LRRTM4: variants seen among roughly 807,000 people sequenced by gnomAD.
The protein encoded by LRRTM4 is leucine rich repeat transmembrane neuronal 4, also known as leucine-rich repeat transmembrane neuronal protein 4.
Under a neutral mutation model 47.6 loss-of-function variants are expected in LRRTM4, and 25 were observed. The observed-to-expected ratio is 0.53, with a 90% CI of 0.38 to 0.73. LRRTM4 has a LOEUF of 0.73. LRRTM4 is among the 30% of genes least tolerant of loss of function. The probability of loss-of-function intolerance (pLI) is 0.00; values close to 1 mark genes in which losing one functional copy is unlikely to be tolerated. For synonymous variants in LRRTM4, 311 were observed against 269.5 expected, an observed-to-expected ratio of 1.15 and a Z score of -1.51; for missense variants, 638 against 713.4, an observed-to-expected ratio of 0.89 and a Z score of 1.20.
intron 3 of LRRTM4, among the ~76,000 whole-genome samples, chr2:77,256,943 T>C (rs1391913979): frequency 6.6e-6 from 1 of 152,068 alleles, no homozygotes; most frequent in Non-Finnish European, 1.5e-5. Context: ...GTATAGAACA[T>C]GACAAACTTG....
chr2:77,070,838 C>T lies in LRRTM4; in HGVS notation c.1552-321922G>A, dbSNP rs767982126. Reference sequence around the variant, plus strand: ...TAGAGACGGGGTTTCACCATGTTGGCCAGGCTGGTCTCGAACTCCTGACCT... The same window carrying T: ...TAGAGACGGGGTTTCACCATGTTGGTCAGGCTGGTCTCGAACTCCTGACCT... On this transcript the variant is annotated intron_variant, in intron 3 of 3. Coordinates refer to ENST00000409884, the MANE Select transcript of LRRTM4 (RefSeq NM_001134745.3). Among the ~76,000 whole-genome samples the T allele has an allele frequency of 6.7e-4, 102 of 152,200 alleles. 1 individual carries two copies. The highest frequency in any genetic ancestry group is 9.3e-4 in the Non-Finnish European group (63 of 68,010).
rs527757654 is a variant in LRRTM4, at chr2:76,886,129, G to T, written c.1552-137213C>A. On this transcript the variant is annotated intron_variant, in intron 3 of 3. Coordinates refer to ENST00000409884, the MANE Select transcript of LRRTM4 (RefSeq NM_001134745.3). ...GAAAATCAAAGCAAGGTAAAGAAAA[G>T]CAAAAACTGACAAAATTGAGGGGCT... is the stretch of plus-strand genomic sequence containing the variant. Among the ~76,000 whole-genome samples, 5 of 152,166 alleles carry T rather than the reference G, an allele frequency of 3.3e-5. No individual in the cohort carries two copies. In the South Asian group the frequency reaches 1.0e-3, roughly 32 times the overall value.
At chr2:76,847,418 G>A (rs1343863897) in intron 3 of LRRTM4, among the ~76,000 whole-genome samples, 1 of 151,958 alleles carries the variant, frequency 6.6e-6, no homozygotes, top group Non-Finnish European at 1.5e-5. Flanking sequence ...GTTTTTTCAT[G>A]AGCCAATGAC....
chr2:77,016,547 T>C (rs1317099421), intron 3 of LRRTM4, among the ~76,000 whole-genome samples: 2 of 152,176 alleles, frequency 1.3e-5, no homozygotes, highest in African/African-American at 2.4e-5. Flanking sequence ...TGTTGCCTTA[T>C]ATCAGCTCAA....
chr2:77,068,737 GAACAGGCCCCCCAAAATCTGGCCATA>G (rs1680045894), intron 3 of LRRTM4, among the ~76,000 whole-genome samples: 3 of 152,176 alleles, frequency 2.0e-5, no homozygotes, highest in African/African-American at 7.2e-5. Context: ...GGTGTGTTGG[GAACAGGCCCCCCAAAATCTGGCCATA>G]AACTGGCCCC....
intron 3 of LRRTM4, among the ~76,000 whole-genome samples, chr2:76,846,552 C>T (rs1573203877): frequency 1.3e-5 from 2 of 152,016 alleles, no homozygotes; most frequent in East Asian, 3.9e-4. Context: ...CTTTTATCTA[C>T]CATAAATGCT....
At chr2:76,930,685 G>A (rs1036370740) in intron 3 of LRRTM4, among the ~76,000 whole-genome samples, 12 of 152,124 alleles carry the variant, frequency 7.9e-5, no homozygotes, top group African/African-American at 2.9e-4. Flanking sequence ...CAATGGATGT[G>A]GAATCAGAGG....
chr2:77,081,514 A>G (rs1327102349), intron 3 of LRRTM4, among the ~76,000 whole-genome samples: 1 of 152,162 alleles, frequency 6.6e-6, no homozygotes, highest in African/African-American at 2.4e-5. Context: ...ATACATATAT[A>G]TGTGCACATA....
At chr2:77,231,840 G>T (rs1174936966) in intron 3 of LRRTM4, among the ~76,000 whole-genome samples, 4 of 152,116 alleles carry the variant, frequency 2.6e-5, no homozygotes, top group Non-Finnish European at 5.9e-5. Flanking sequence ...TAGGTATTCT[G>T]ACTTATTTAT....
intron 3 of LRRTM4, among the ~76,000 whole-genome samples, chr2:76,775,232 A>C (rs953220179): frequency 1.3e-5 from 2 of 152,108 alleles, no homozygotes; most frequent in African/African-American, 4.8e-5. Flanking sequence ...GTAGCATGAC[A>C]TTTTCAATGG....
chr2:77,118,892 T>C (rs1294185820), intron 3 of LRRTM4, among the ~76,000 whole-genome samples: 1 of 151,870 alleles, frequency 6.6e-6, no homozygotes, highest in African/African-American at 2.4e-5. Context: ...CTAATCAGGA[T>C]ACTTTGTGAA....
Position 77,401,417 on chromosome 2 carries a change from C to T in LRRTM4, c.1551+116901G>A, listed in dbSNP as rs572130370. On this transcript the variant is annotated intron_variant, in intron 3 of 3. Coordinates refer to ENST00000409884, the MANE Select transcript of LRRTM4 (RefSeq NM_001134745.3). ...GCATCCCTGTTTTCTTTTTTCTCTG[C>T]TCTTCATTTTCCTTCATATCATAAA... is the stretch of plus-strand genomic sequence containing the variant. Among the ~76,000 whole-genome samples, 3 of 151,944 alleles carry T rather than the reference C, an allele frequency of 2.0e-5. No homozygotes were observed. In the South Asian group the frequency reaches 6.2e-4, roughly 32 times the overall value.
At chr2:77,420,859 A>G (rs1463089662) in intron 3 of LRRTM4, among the ~76,000 whole-genome samples, 1 of 146,760 alleles carries the variant, frequency 6.8e-6, no homozygotes, top group Non-Finnish European at 1.5e-5. Flanking sequence ...TTCAGTGGAC[A>G]AAATGGGAAT....
intron 3 of LRRTM4, among the ~76,000 whole-genome samples, chr2:77,330,732 T>C (rs1238150297): frequency 6.6e-6 from 1 of 152,198 alleles, no homozygotes; most frequent in Non-Finnish European, 1.5e-5. Flanking sequence ...TTTTTGCTTT[T>C]ATACTCATCT....
chr2:76,992,742 G>A (rs1056495293), intron 3 of LRRTM4, among the ~76,000 whole-genome samples: 22 of 150,508 alleles, frequency 1.5e-4, no homozygotes, highest in African/African-American at 4.9e-4. Flanking sequence ...TCAAAATATC[G>A]GTGTCATTTT....
At chr2:77,107,718 T>G (rs1349859808) in intron 3 of LRRTM4, among the ~76,000 whole-genome samples, 2 of 148,534 alleles carry the variant, frequency 1.3e-5, no homozygotes, top group African/African-American at 5.0e-5. Flanking sequence ...CTTGGGAGGC[T>G]GAGGCAGGAG....
At chr2:76,930,237 G>C (rs970668701) in intron 3 of LRRTM4, among the ~76,000 whole-genome samples, 1 of 152,080 alleles carries the variant, frequency 6.6e-6, no homozygotes, top group African/African-American at 2.4e-5. Context: ...TTCTAGGTAA[G>C]TCTCTTGGGG....
At chr2:77,389,636 G>A (rs1673422057) in intron 3 of LRRTM4, among the ~76,000 whole-genome samples, 1 of 152,062 alleles carries the variant, frequency 6.6e-6, no homozygotes, top group Admixed American at 6.6e-5. Flanking sequence ...CAAAGACACT[G>A]ATAGTTCCCT....
intron 3 of LRRTM4, among the ~76,000 whole-genome samples, chr2:77,429,034 C>T (rs13403846): frequency 0.34 from 52,410 of 151,946 alleles, 9,147 homozygotes; most frequent in Non-Finnish European, 0.37. Context: ...ACAGTAATTT[C>T]ATTTAAAGAT....
Sources: allele counts gnomAD v4.1 joint callset (sites outside exome capture counted in the v4.1 genomes callset), GRCh38; gene constraint gnomAD v4.1.1; transcripts MANE v1.5; gene names NCBI Gene and HGNC (gene_info 2026-07-23, HGNC 2026-07-21).